GAREM1: variants seen among roughly 807,000 people sequenced by gnomAD.
The protein encoded by GAREM1 is GRB2 associated regulator of MAPK1 subtype 1, also known as GRB2-associated and regulator of MAPK protein 1.
In GAREM1, 26 loss-of-function variants were observed where a neutral mutation model predicts 71.3. The observed-to-expected ratio is 0.36, with a 90% CI of 0.27 to 0.51. The LOEUF (loss-of-function observed/expected upper bound fraction) is 0.51. Ranked by LOEUF, GAREM1 falls within the 20% of genes least tolerant of loss-of-function variation. The probability of loss-of-function intolerance (pLI) is 0.95; values close to 1 mark genes in which losing one functional copy is unlikely to be tolerated. For synonymous variants in GAREM1, 440 were observed against 433.2 expected, an observed-to-expected ratio of 1.02 and a Z score of -0.20; for missense variants, 1,026 against 1,103.1, an observed-to-expected ratio of 0.93 and a Z score of 0.99.
chr18:32,317,744 T>G (rs1259316400), intron 2 of GAREM1, among the ~76,000 whole-genome samples: 1 of 151,826 alleles, frequency 6.6e-6, no homozygotes, highest in Non-Finnish European at 1.5e-5. Flanking sequence ...TAGCCAACGT[T>G]AAGTACTCTG....
chr18:32,275,830 C>T (rs927512311), intron 4 of GAREM1, among the ~76,000 whole-genome samples: 3 of 152,172 alleles, frequency 2.0e-5, no homozygotes, highest in African/African-American at 7.2e-5. Flanking sequence ...AAGCATGTAC[C>T]ACCACGCCTG....
At chr18:32,307,478 C>T (rs576193457) in intron 3 of GAREM1, among the ~76,000 whole-genome samples, 1 of 152,262 alleles carries the variant, frequency 6.6e-6, no homozygotes, top group Non-Finnish European at 1.5e-5. Flanking sequence ...TTCTTTAACT[C>T]CTCCCCTGCT....
intron 2 of GAREM1, among the ~76,000 whole-genome samples, chr18:32,364,026 A>ATATATATTTTTTTTTTTTTTTTT (rs1336753011): frequency 2.2e-5 from 1 of 46,400 alleles, no homozygotes; most frequent in Non-Finnish European, 3.4e-5. Flanking sequence ...ATATATATAT[A>ATATATATTTTTTTTTTTTTTTTT]TGTTTTTTTT....
intron 1 of GAREM1, among the ~76,000 whole-genome samples, chr18:32,396,560 T>C (rs1273591062): frequency 6.6e-6 from 1 of 152,044 alleles, no homozygotes; most frequent in Non-Finnish European, 1.5e-5. Context: ...GTATCAGTGA[T>C]TGAAGATCAA....
At chr18:32,284,087 G>C (rs192112700) in intron 4 of GAREM1, among the ~76,000 whole-genome samples, 59 of 152,196 alleles carry the variant, frequency 3.9e-4, no homozygotes, top group Non-Finnish European at 7.4e-4. Flanking sequence ...CCCCATTAAA[G>C]TTCCCTTTTG....
chr18:32,294,761 T>C (rs2047124172), intron 3 of GAREM1, among the ~76,000 whole-genome samples: 1 of 152,206 alleles, frequency 6.6e-6, no homozygotes, highest in Non-Finnish European at 1.5e-5. Flanking sequence ...CTCTTGGGAT[T>C]AGGTGATTAT....
At chr18:32,276,638 A>C (rs771349120) in intron 4 of GAREM1, among the ~76,000 whole-genome samples, 11 of 152,324 alleles carry the variant, frequency 7.2e-5, no homozygotes, top group Middle Eastern at 3.4e-3. Flanking sequence ...AACATAGAAG[A>C]ACATGGCATA....
intron 4 of GAREM1, among the ~76,000 whole-genome samples, chr18:32,278,330 G>C (rs1454521776): frequency 6.6e-6 from 1 of 152,142 alleles, no homozygotes; most frequent in African/African-American, 2.4e-5. Flanking sequence ...CAGGGGCGTG[G>C]GGGAGAGAGT....
At chr18:32,331,101 T>TC (rs1326032638) in intron 2 of GAREM1, among the ~76,000 whole-genome samples, 5 of 152,350 alleles carry the variant, frequency 3.3e-5, no homozygotes, top group Middle Eastern at 6.8e-3. Flanking sequence ...TAGGTTTTTT[T>TC]CCCTCTTTAA....
chr18:32,394,645 G>A (rs917815016), intron 1 of GAREM1, among the ~76,000 whole-genome samples: 2 of 152,102 alleles, frequency 1.3e-5, no homozygotes, highest in Admixed American at 6.5e-5. Flanking sequence ...GAAAGATACT[G>A]CCTGGGGGCC....
intron 1 of GAREM1, among the ~76,000 whole-genome samples, chr18:32,469,616 A>C (rs1337738612): frequency 1.3e-5 from 2 of 152,244 alleles, no homozygotes; most frequent in Non-Finnish European, 2.9e-5. Flanking sequence ...GGTCAGTTTC[A>C]GGAAATACAC....
In GAREM1 at chr18:32,404,204, T is replaced by C. The variant is rs117821856; in HGVS notation, c.122-11169A>G. ...CACCCTTGTGAATTACTTAGGATGG[T>C]TGTGAATCAATGTAAGTAGTTATGT... On this transcript the variant is annotated intron_variant, in intron 1 of 5. Transcript: ENST00000269209. Among the ~76,000 whole-genome samples the C allele has an allele frequency of 2.8e-3, 425 of 152,328 alleles. 1 individual carries two copies. Among genetic ancestry groups the C allele is most frequent in the Non-Finnish European group, 4.5e-3 (307 of 68,014 alleles).
chr18:32,351,781 T>A (rs907850020), intron 2 of GAREM1, among the ~76,000 whole-genome samples: 2 of 152,120 alleles, frequency 1.3e-5, no homozygotes, highest in East Asian at 1.9e-4. Flanking sequence ...ACAGCATGAC[T>A]TGATACCAAG....
chr18:32,387,241 G>A lies in GAREM1; in HGVS notation c.262+5654C>T, dbSNP rs552014577. Among the ~76,000 whole-genome samples, 5 of 152,232 alleles carry A rather than the reference G, an allele frequency of 3.3e-5. No individual in the cohort carries two copies. In the South Asian group the frequency reaches 1.0e-3, roughly 32 times the overall value. ...ATTCAACTTCAGAAATTCCTGGCTA[G>A]AATTAAGTTGCTAGGTTAAAAAAAT... On this transcript the variant is annotated intron_variant, in intron 2 of 5. Transcript: ENST00000269209.
chr18:32,397,369 A>G (rs928417559), intron 1 of GAREM1, among the ~76,000 whole-genome samples: 1 of 152,210 alleles, frequency 6.6e-6, no homozygotes, highest in Non-Finnish European at 1.5e-5. Context: ...AATTGGATAA[A>G]GAGTCAAGAC....
At chr18:32,315,508 G>A in intron 2 of GAREM1, among the ~76,000 whole-genome samples, 1 of 145,438 alleles carries the variant, frequency 6.9e-6, no homozygotes, top group South Asian at 2.2e-4. Context: ...TAAAAAAGTA[G>A]ATATATATAA....
At position 32,300,677 on chromosome 18, in the gene GAREM1, C is replaced by T. The variant is rs112581976; in HGVS notation, c.393+9516G>A. 7.8e-3 allele frequency among the ~76,000 whole-genome samples: 1,190 copies of T among 152,192 alleles called. 20 individuals are homozygous for T. The highest frequency in any genetic ancestry group is 0.023 in the African/African-American group (940 of 41,508). ...ATCCCAGCACTTCGGGAGGCCGAGG[C>T]GGGCAAATCGCTTGAGATCGGGAGT... is the stretch of plus-strand genomic sequence containing the variant. On this transcript the variant is annotated intron_variant, in intron 3 of 5. Coordinates refer to ENST00000269209, the MANE Select transcript of GAREM1 (RefSeq NM_001242409.2).
intron 2 of GAREM1, among the ~76,000 whole-genome samples, chr18:32,362,977 A>G (rs892762145): frequency 5.3e-5 from 8 of 152,326 alleles, no homozygotes; most frequent in East Asian, 1.9e-4. Context: ...TAATTTATAT[A>G]CCTTTATATC....
At chr18:32,334,855 T>C (rs1444600856) in intron 2 of GAREM1, among the ~76,000 whole-genome samples, 1 of 152,112 alleles carries the variant, frequency 6.6e-6, no homozygotes, top group Non-Finnish European at 1.5e-5. Context: ...CAGGTTTGGG[T>C]ACGAGATATG....
Sources: allele counts gnomAD v4.1 joint callset (sites outside exome capture counted in the v4.1 genomes callset), GRCh38; gene constraint gnomAD v4.1.1; transcripts MANE v1.5; gene names NCBI Gene and HGNC (gene_info 2026-07-23, HGNC 2026-07-21).